Variants in IQCK observed in about 807,000 individuals in gnomAD.
IQCK encodes IQ domain-containing protein K.
In IQCK, 29 loss-of-function variants were observed where a neutral mutation model predicts 28.1. The observed-to-expected ratio is 1.03, with a 90% CI of 0.77 to 1.41. The LOEUF is 1.41. IQCK is among the 40% of genes most tolerant of loss of function. IQCK has a pLI of 0.00. For missense variants in IQCK, 359 were observed against 314.7 expected (o/e 1.14, Z -1.07); for synonymous variants, 113 against 115.1 (o/e 0.98, Z 0.12).
exon 10 of IQCK, chr16:19,858,069 C>G (rs227764): frequency 6.4e-6 from 1 of 156,502 alleles, no homozygotes; most frequent in Non-Finnish European, 1.4e-5. Flanking sequence ...TGTTTACACA[C>G]GCAGATCTTA....
intron 6 of IQCK, among the ~76,000 whole-genome samples, chr16:19,778,182 C>T (rs1213610481): frequency 6.6e-6 from 1 of 152,128 alleles, no homozygotes; most frequent in Non-Finnish European, 1.5e-5. Context: ...AGAAAATTAT[C>T]GAACTTGAGG....
chr16:19,740,811 A>G (rs1423142475), intron 4 of IQCK, among the ~76,000 whole-genome samples: 1 of 151,822 alleles, frequency 6.6e-6, no homozygotes, highest in East Asian at 1.9e-4. Context: ...TCTACTAAAA[A>G]TACAAAAATT....
chr16:19,846,618 C>A (rs138338451), intron 9 of IQCK, among the ~76,000 whole-genome samples: 3 of 152,186 alleles, frequency 2.0e-5, no homozygotes, highest in Non-Finnish European at 4.4e-5. Context: ...AAGGCTGTCA[C>A]GTTCTCCCGG....
Position 19,822,259 on chromosome 16 carries a change from G to A in IQCK, c.691-4767G>A, listed in dbSNP as rs186459979. Among the ~76,000 whole-genome samples the A allele has an allele frequency of 2.6e-3, 395 of 151,246 alleles. 2 individuals are homozygous for A. Among genetic ancestry groups the A allele is most frequent in the Admixed American group, 4.2e-3 (64 of 15,160 alleles). ...AAATTAGCTGGGCGTGGTGGCAGGT[G>A]CCTGTAATCCCAGCTACTCGGGAGG... On this transcript the variant is annotated intron_variant, in intron 7 of 7. Transcript: ENST00000564186.
At chr16:19,720,679 T>C (rs1045067080) in intron 1 of IQCK, among the ~76,000 whole-genome samples, 5 of 152,228 alleles carry the variant, frequency 3.3e-5, no homozygotes, top group Non-Finnish European at 7.3e-5. Flanking sequence ...GTTTTGGTTC[T>C]CTCTGAAGAG....
In IQCK at chr16:19,756,955, G is replaced by A. The variant is rs185373536; in HGVS notation, c.475-6893G>A. ...CAGCTGCCTTGTCCCTTCCATCTATGGGTGCCATCTATGAGGAACCAGACA... is the reference window on the plus strand; with the variant it reads ...CAGCTGCCTTGTCCCTTCCATCTATAGGTGCCATCTATGAGGAACCAGACA... On this transcript the variant is annotated intron_variant, in intron 4 of 7. Coordinates refer to ENST00000564186, the Ensembl canonical transcript of IQCK. Among the ~76,000 whole-genome samples, 85 of 151,222 alleles carry A rather than the reference G, an allele frequency of 5.6e-4. 1 individual carries two copies. Among genetic ancestry groups the A allele is most frequent in the Non-Finnish European group, 1.1e-3 (77 of 67,930 alleles).
intron 2 of IQCK, 72 bp from the exon 3 acceptor site, chr16:19,733,626 A>G (rs955738990): frequency 1.2e-5 from 19 of 1,546,586 alleles, no homozygotes; most frequent in African/African-American, 4.1e-5. Context: ...ATTCCTTCAT[A>G]AGGTTATACC....
At chr16:19,835,093 C>T (rs1011464608) in intron 9 of IQCK, among the ~76,000 whole-genome samples, 4 of 151,942 alleles carry the variant, frequency 2.6e-5, no homozygotes, top group Admixed American at 1.3e-4. Flanking sequence ...GGTGAAACCC[C>T]GTCTCTACTA....
At chr16:19,824,327 A>G (rs573604380) in intron 7 of IQCK, among the ~76,000 whole-genome samples, 21 of 152,296 alleles carry the variant, frequency 1.4e-4, no homozygotes, top group Non-Finnish European at 2.6e-4. Flanking sequence ...TCATGCTCCT[A>G]TGAGAATCTA....
At chr16:19,753,819 G>A (rs556853192) in intron 4 of IQCK, among the ~76,000 whole-genome samples, 2 of 151,856 alleles carry the variant, frequency 1.3e-5, no homozygotes, top group East Asian at 2.0e-4. Flanking sequence ...GCTTTATCCC[G>A]GGCTGGCTTC....
chr16:19,765,537 C>CA (rs201206698), intron 6 of IQCK, among the ~76,000 whole-genome samples: 42 of 149,418 alleles, frequency 2.8e-4, no homozygotes, highest in Non-Finnish European at 5.4e-4. Context: ...GACTCTGTCT[C>CA]AAAAAAAAAA....
At chr16:19,736,270 T>C (rs1978012040) in intron 4 of IQCK, 2 of 421,602 alleles carry the variant, frequency 4.7e-6, no homozygotes, top group Non-Finnish European at 9.5e-6. Context: ...GTTTAGTATC[T>C]TTTTTCTTTT....
chr16:19,784,720 TAC>T (rs1401671534), intron 6 of IQCK, among the ~76,000 whole-genome samples: 2 of 152,228 alleles, frequency 1.3e-5, no homozygotes, highest in East Asian at 3.8e-4. Context: ...GAAGGAAAAT[TAC>T]ACAGAAGCTT....
downstream of IQCK, among the ~76,000 whole-genome samples, chr16:19,831,369 G>A (rs114325733): frequency 0.017 from 2,556 of 152,284 alleles, 53 homozygotes; most frequent in African/African-American, 0.058. Context: ...AGTACAACCT[G>A]CTGCACACCA....
chr16:19,743,966 T>TTGTGTGG (rs899672689), intron 4 of IQCK, among the ~76,000 whole-genome samples: 16 of 152,042 alleles, frequency 1.1e-4, no homozygotes, highest in Non-Finnish European at 1.5e-4. Flanking sequence ...CACACATCTA[T>TTGTGTGG]TGTGTGGTGT....
At chr16:19,726,135 C>T (rs1977648541) in intron 1 of IQCK, among the ~76,000 whole-genome samples, 2 of 151,880 alleles carry the variant, frequency 1.3e-5, no homozygotes, top group Non-Finnish European at 2.9e-5. Flanking sequence ...ACGATGGTCT[C>T]GATCTCCTGA....
At chr16:19,741,530 G>A (rs558632808) in intron 4 of IQCK, among the ~76,000 whole-genome samples, 18 of 152,274 alleles carry the variant, frequency 1.2e-4, no homozygotes, top group African/African-American at 4.1e-4. Flanking sequence ...AGGCATCCTT[G>A]TGCCAACTCA....
At chr16:19,856,639 T>C (rs1255856445) in exon 10 of IQCK, 3 of 1,022,678 alleles carry the variant, frequency 2.9e-6, no homozygotes, top group African/African-American at 3.2e-5. Flanking sequence ...TGTGATTTCT[T>C]TAACAAGACT....
chr16:19,749,073 G>C (rs1304552726), intron 4 of IQCK, among the ~76,000 whole-genome samples: 1 of 152,186 alleles, frequency 6.6e-6, no homozygotes, highest in East Asian at 1.9e-4. Context: ...CATTTCTCCT[G>C]CTACATTTTA....
Sources: allele counts gnomAD v4.1 joint callset (sites outside exome capture counted in the v4.1 genomes callset), GRCh38; gene constraint gnomAD v4.1.1; transcripts MANE v1.5; gene names NCBI Gene and HGNC (gene_info 2026-07-23, HGNC 2026-07-21).